The following SORBS2 variants were observed in gnomAD, a reference collection of about 807,000 sequenced individuals.
SORBS2 encodes the protein sorbin and SH3 domain-containing protein 2.
In SORBS2, 46 loss-of-function variants were observed where a neutral mutation model predicts 97.7. The observed-to-expected ratio is 0.47, with a 90% CI of 0.37 to 0.60. The LOEUF is 0.60. SORBS2 is among the 20% of genes least tolerant of loss of function. The pLI is 0.00. For synonymous variants in SORBS2, 476 were observed against 473.4 expected (o/e 1.01, Z -0.07); for missense variants, 1,316 against 1,282.3 (o/e 1.03, Z -0.40).
chr4:185,663,079 T>C (rs1322323367), intron 4 of SORBS2, among the ~76,000 whole-genome samples: 1 of 152,180 alleles, frequency 6.6e-6, no homozygotes, highest in Non-Finnish European at 1.5e-5. Context: ...TTCACAGATA[T>C]CGAGCTCAGG....
chr4:185,938,747 C>T (rs1463783195), intron 1 of SORBS2, among the ~76,000 whole-genome samples: 1 of 152,050 alleles, frequency 6.6e-6, no homozygotes, highest in Non-Finnish European at 1.5e-5. Flanking sequence ...CTTTCCCCCC[C>T]AGCAGCCTGG....
intron 1 of SORBS2, among the ~76,000 whole-genome samples, chr4:185,854,440 A>G (rs1372445913): frequency 1.3e-5 from 2 of 152,198 alleles, no homozygotes; most frequent in Non-Finnish European, 2.9e-5. Context: ...TCACTGTCTC[A>G]GGGAACGGCA....
At chr4:185,861,459 C>T (rs2099223697) in intron 1 of SORBS2, among the ~76,000 whole-genome samples, 1 of 151,718 alleles carries the variant, frequency 6.6e-6, no homozygotes, top group Non-Finnish European at 1.5e-5. Flanking sequence ...GGTGGGAGGA[C>T]AGGAAGGATT....
chr4:185,743,291 A>G (rs1044808049), intron 2 of SORBS2, among the ~76,000 whole-genome samples: 1 of 152,218 alleles, frequency 6.6e-6, no homozygotes, highest in Non-Finnish European at 1.5e-5. Flanking sequence ...TTGGTGCAGC[A>G]TGAAAACCCA....
intron 4 of SORBS2, among the ~76,000 whole-genome samples, chr4:185,669,260 T>A (rs569678001): frequency 6.6e-6 from 1 of 152,182 alleles, no homozygotes; most frequent in South Asian, 2.1e-4. Flanking sequence ...ATCAAGCCCG[T>A]GTTGGATGAC....
chr4:185,606,497 A>C lies in SORBS2; in HGVS notation c.2796+5283T>G. 1.0e-6 allele frequency: 1 copy of C among 983,540 alleles called. No individual in the cohort carries two copies. The allele number at this position is 983,540 out of a possible 1,614,324, so 60.9% of individuals were successfully genotyped here. On this transcript the variant is annotated intron_variant, in intron 12 of 14. Coordinates refer to ENST00000418609, the Ensembl canonical transcript of SORBS2. The surrounding 1 kb of genome is among the most constrained non-coding windows in gnomAD (Gnocchi z 4.3). ...TTTGTTTAAAAAAATCTGTTAGTCA[A>C]AATAGGTATTTATTAATATGATTAA...
intron 2 of SORBS2, among the ~76,000 whole-genome samples, chr4:185,752,581 G>A (rs2098807995): frequency 1.3e-5 from 2 of 152,144 alleles, no homozygotes; most frequent in Non-Finnish European, 2.9e-5. Flanking sequence ...CAGCCCTGCA[G>A]CAGACTTTTA....
intron 2 of SORBS2, among the ~76,000 whole-genome samples, chr4:185,754,028 G>A (rs1372710073): frequency 6.6e-6 from 1 of 152,088 alleles, no homozygotes; most frequent in African/African-American, 2.4e-5. Context: ...ATTCACAATA[G>A]CAAAGACATG....
At chr4:185,602,902 C>T (rs2096297506) in intron 12 of SORBS2, among the ~76,000 whole-genome samples, 1 of 152,116 alleles carries the variant, frequency 6.6e-6, no homozygotes, top group African/African-American at 2.4e-5. Flanking sequence ...TAAAAAAACT[C>T]AGTGGGAGAT....
intron 2 of SORBS2, among the ~76,000 whole-genome samples, chr4:185,715,581 G>A (rs62334783): frequency 6.6e-6 from 1 of 151,980 alleles, no homozygotes. Flanking sequence ...AACTTACCAG[G>A]ATTAAAAGAC....
At chr4:185,854,544 A>G (rs374296643) in intron 1 of SORBS2, among the ~76,000 whole-genome samples, 24 of 152,290 alleles carry the variant, frequency 1.6e-4, no homozygotes, top group South Asian at 1.0e-3. Flanking sequence ...CGCTTAGGGT[A>G]TAGTATGGTT....
At chr4:185,905,992 T>C (rs529001110) in intron 1 of SORBS2, among the ~76,000 whole-genome samples, 1 of 152,272 alleles carries the variant, frequency 6.6e-6, no homozygotes, top group East Asian at 1.9e-4. Context: ...TCCAAACTAT[T>C]TTAGGGCAGT....
chr4:185,740,633 A>G (rs1266724697), intron 2 of SORBS2, among the ~76,000 whole-genome samples: 2 of 151,956 alleles, frequency 1.3e-5, no homozygotes, highest in East Asian at 3.9e-4. Flanking sequence ...ACTCAGCCCA[A>G]CATTAACTCA....
rs146917112 is a variant in SORBS2 at position 185,635,836 on chromosome 4, T to A, written c.397-5238A>T. ...CAGTACAGAATAGTCCCTATAAGCT[T>A]TCTTTTTGAATTATTTTATTTTATT... On this transcript the variant is annotated intron_variant, in intron 4 of 14. Coordinates refer to ENST00000418609, the Ensembl canonical transcript of SORBS2. Among the ~76,000 whole-genome samples the A allele has an allele frequency of 9.6e-3, 1,400 of 146,124 alleles. 21 individuals carry two copies. Among genetic ancestry groups the A allele is most frequent in the African/African-American group, 0.033 (1,266 of 38,928 alleles).
intron 1 of SORBS2, among the ~76,000 whole-genome samples, chr4:185,867,277 T>C (rs2099227432): frequency 6.6e-6 from 1 of 152,202 alleles, no homozygotes; most frequent in Admixed American, 6.5e-5. Context: ...CCCAAAGTGC[T>C]GGGATTAGAG....
chr4:185,637,164 C>A (rs542195175), intron 4 of SORBS2, among the ~76,000 whole-genome samples: 1 of 152,376 alleles, frequency 6.6e-6, no homozygotes, highest in South Asian at 2.1e-4. Context: ...GTCAACGATG[C>A]ACCTATATAT....
intron 12 of SORBS2, among the ~76,000 whole-genome samples, chr4:185,604,201 G>A (rs2096350910): frequency 1.3e-5 from 2 of 152,206 alleles, no homozygotes; most frequent in East Asian, 1.9e-4. Context: ...TTGGATAGAG[G>A]CCACGCCCAT....
intron 2 of SORBS2, among the ~76,000 whole-genome samples, chr4:185,731,259 C>T (rs2098621551): frequency 6.6e-6 from 1 of 152,206 alleles, no homozygotes; most frequent in Non-Finnish European, 1.5e-5. Flanking sequence ...ATGCTTCATG[C>T]AAATGAGGAA....
intron 1 of SORBS2, among the ~76,000 whole-genome samples, chr4:185,881,974 T>C (rs1348159170): frequency 6.6e-6 from 1 of 152,220 alleles, no homozygotes; most frequent in East Asian, 1.9e-4. Context: ...GTTTCATTAT[T>C]TTAATATGAT....
Sources: gnomAD v4.1 joint callset for allele counts (sites outside exome capture counted in the v4.1 genomes callset) on GRCh38, gnomAD v4.1.1 for gene constraint, Gnocchi (gnomAD v3.1) non-coding constraint, MANE v1.5 for transcripts, NCBI Gene and HGNC (gene_info 2026-07-23, HGNC 2026-07-21) for gene names.